MTUS1: variants seen among roughly 807,000 people sequenced by gnomAD.
MTUS1 encodes the protein microtubule associated scaffold protein 1, also known as microtubule-associated tumor suppressor 1.
A neutral mutation model predicts 120.8 loss-of-function variants in MTUS1; 109 were observed. That is an observed-to-expected ratio of 0.90 (90% CI 0.77 to 1.06). MTUS1 has a LOEUF of 1.06. MTUS1 is among the 50% of genes least tolerant of loss of function. MTUS1 has a pLI of 0.00. For missense variants in MTUS1, 2,210 were observed against 1,486.3 expected, an observed-to-expected ratio of 1.49 and a Z score of -8.01; for synonymous variants, 737 against 550.5, an observed-to-expected ratio of 1.34 and a Z score of -4.74.
chr8:17,713,299 T>A (rs1324197425), intron 5 of MTUS1, 47 bp from the exon 6 acceptor site: 1 of 1,108,100 alleles, frequency 9.0e-7, no homozygotes. Context: ...TTATTTGACA[T>A]ATCACATAAA....
At chr8:17,717,967 G>C (rs181606469) in intron 4 of MTUS1, among the ~76,000 whole-genome samples, 2 of 152,316 alleles carry the variant, frequency 1.3e-5, no homozygotes, top group East Asian at 3.9e-4. Flanking sequence ...TTACATGAAA[G>C]CTATATATAC....
intron 3 of MTUS1, among the ~76,000 whole-genome samples, chr8:17,737,566 G>A (rs560886936): frequency 6.6e-6 from 1 of 152,152 alleles, no homozygotes; most frequent in Non-Finnish European, 1.5e-5. Context: ...ATAGCTCACT[G>A]AACCCTCAAC....
intron 6 of MTUS1, among the ~76,000 whole-genome samples, chr8:17,710,356 C>T (rs1371441809): frequency 6.6e-6 from 1 of 152,192 alleles, no homozygotes; most frequent in African/African-American, 2.4e-5. Flanking sequence ...TATTCGGACT[C>T]CTTTGTCATT....
chr8:17,783,125 A>C (rs1466183980), intron 1 of MTUS1, among the ~76,000 whole-genome samples: 1 of 152,190 alleles, frequency 6.6e-6, no homozygotes, highest in Non-Finnish European at 1.5e-5. Flanking sequence ...CGCAATGAGG[A>C]TAACATGTTG....
At chr8:17,770,289 G>C (rs1472744912) in intron 1 of MTUS1, 2 of 151,990 alleles carry the variant, frequency 1.3e-5, no homozygotes, top group African/African-American at 2.4e-5. Context: ...ATCTAATAAA[G>C]TATGATAAAT....
At chr8:17,659,133 G>A (rs562535099) in intron 8 of MTUS1, among the ~76,000 whole-genome samples, 70 of 152,202 alleles carry the variant, frequency 4.6e-4, no homozygotes, top group African/African-American at 1.6e-3. Context: ...GCAAGCGTGA[G>A]AGGATGGGTT....
At chr8:17,781,257 T>G (rs774433485) in intron 1 of MTUS1, among the ~76,000 whole-genome samples, 1 of 152,236 alleles carries the variant, frequency 6.6e-6, no homozygotes, top group Non-Finnish European at 1.5e-5. Context: ...AAAGATTTTG[T>G]CTGAATTTCC....
At chr8:17,676,672 T>C (rs1365812909) in intron 7 of MTUS1, among the ~76,000 whole-genome samples, 1 of 152,166 alleles carries the variant, frequency 6.6e-6, no homozygotes, top group East Asian at 1.9e-4. Flanking sequence ...ACTGACCCCC[T>C]CTGCATGGAT....
chr8:17,708,478 G>T (rs1305041064), intron 6 of MTUS1, among the ~76,000 whole-genome samples: 1 of 152,164 alleles, frequency 6.6e-6, no homozygotes, highest in Non-Finnish European at 1.5e-5. Context: ...GGAGAAACAG[G>T]ATTCTTCATA....
intron 7 of MTUS1, among the ~76,000 whole-genome samples, chr8:17,683,949 C>A (rs933766664): frequency 1.3e-5 from 2 of 152,106 alleles, no homozygotes; most frequent in Non-Finnish European, 2.9e-5. Flanking sequence ...ATATAACTAA[C>A]GTCATTTTTC....
chr8:17,729,904 G>C (rs529635036), intron 3 of MTUS1, among the ~76,000 whole-genome samples: 1 of 149,628 alleles, frequency 6.7e-6, no homozygotes, highest in South Asian at 2.1e-4. Context: ...ATGCAAAGAT[G>C]CTCAACATCA....
At chr8:17,752,141 G>C (rs1316647135) in intron 2 of MTUS1, among the ~76,000 whole-genome samples, 2 of 152,024 alleles carry the variant, frequency 1.3e-5, no homozygotes, top group Non-Finnish European at 2.9e-5. Context: ...ATAACCCTAA[G>C]ACTCAATGCA....
chr8:17,775,594 T>A (rs963626066), intron 1 of MTUS1, among the ~76,000 whole-genome samples: 1 of 152,256 alleles, frequency 6.6e-6, no homozygotes, highest in Non-Finnish European at 1.5e-5. Flanking sequence ...AAATCTTCAA[T>A]GAAATTCTCA....
chr8:17,657,580 A>C (rs1426198983), intron 8 of MTUS1, among the ~76,000 whole-genome samples: 7 of 151,102 alleles, frequency 4.6e-5, no homozygotes, highest in Admixed American at 3.3e-4. Flanking sequence ...AAAAAAAAAG[A>C]AGCTGATGCA....
intron 6 of MTUS1, among the ~76,000 whole-genome samples, chr8:17,694,353 C>G (rs1244151477): frequency 6.6e-6 from 1 of 152,116 alleles, no homozygotes; most frequent in Non-Finnish European, 1.5e-5. Flanking sequence ...GTGGATAAAT[C>G]AGGACAAGTA....
chr8:17,760,376 A>C (rs1346507095), intron 1 of MTUS1, among the ~76,000 whole-genome samples: 1 of 152,196 alleles, frequency 6.6e-6, no homozygotes, highest in Non-Finnish European at 1.5e-5. Context: ...AAATAGTGGT[A>C]CAGGGATTTG....
chr8:17,751,888 A>C (rs111423623), intron 2 of MTUS1, among the ~76,000 whole-genome samples: 6,455 of 143,962 alleles, frequency 0.045, 238 homozygotes, highest in East Asian at 0.18. Context: ...AAAAAAAAAG[A>C]AAGCAAAAAA....
At chr8:17,773,481 A>C (rs906634569) in intron 1 of MTUS1, among the ~76,000 whole-genome samples, 1 of 152,208 alleles carries the variant, frequency 6.6e-6, no homozygotes, top group African/African-American at 2.4e-5. Context: ...GCTACACCAT[A>C]GACTGGGTAA....
intron 4 of MTUS1, chr8:17,722,075 C>T (rs1033908397): frequency 1.2e-5 from 16 of 1,333,910 alleles, no homozygotes; most frequent in Non-Finnish European, 1.5e-5. Flanking sequence ...AAGAAAGAGA[C>T]TCACTGATTT....
Sources: allele counts gnomAD v4.1 joint callset (sites outside exome capture counted in the v4.1 genomes callset), GRCh38; gene constraint gnomAD v4.1.1; transcripts MANE v1.5; gene names NCBI Gene and HGNC (gene_info 2026-07-23, HGNC 2026-07-21).